RTN4RL1: variants seen among roughly 807,000 people sequenced by gnomAD.
RTN4RL1 encodes the protein reticulon 4 receptor like 1.
Under a neutral mutation model 25.6 loss-of-function variants are expected in RTN4RL1, and 7 were observed. The observed-to-expected ratio is 0.27, with a 90% CI of 0.16 to 0.51. RTN4RL1 has a LOEUF of 0.51. Among genes scored for constraint, RTN4RL1 ranks in the 20% least tolerant of loss-of-function variants. The pLI is 0.97. For synonymous variants in RTN4RL1, 297 were observed against 288.2 expected (o/e 1.03, Z -0.31); for missense variants, 500 against 615.6 (o/e 0.81, Z 1.99).
At chr17:2,007,078 A>G (rs1296509596) in intron 1 of RTN4RL1, among the ~76,000 whole-genome samples, 5 of 152,132 alleles carry the variant, frequency 3.3e-5, no homozygotes, top group African/African-American at 1.2e-4. Flanking sequence ...AAGCTGCTGC[A>G]GCTCTCTGAG....
chr17:1,965,969 C>A lies in RTN4RL1; in HGVS notation c.14-28161G>T, dbSNP rs1326869680. 2.0e-5 allele frequency among the ~76,000 whole-genome samples: 3 copies of A among 152,172 alleles called. No individual in the cohort carries two copies. The East Asian group carries it at 5.8e-4, about 29-fold the overall frequency. ...CCCTCTCAGGCTCCCCACTAAAGCTCCTGCTTCCAGCTCAAGAACAGGGCA... is the reference window on the plus strand; with the variant it reads ...CCCTCTCAGGCTCCCCACTAAAGCTACTGCTTCCAGCTCAAGAACAGGGCA... On this transcript the variant is annotated intron_variant, in intron 1 of 1. Transcript: ENST00000331238.
At chr17:1,992,178 C>T (rs1391145555) in intron 1 of RTN4RL1, among the ~76,000 whole-genome samples, 1 of 151,934 alleles carries the variant, frequency 6.6e-6, no homozygotes, top group African/African-American at 2.4e-5. Context: ...TCCTGGCTAA[C>T]ACGGTGAAAC....
chr17:1,993,977 G>A (rs1156920899), intron 1 of RTN4RL1, among the ~76,000 whole-genome samples: 2 of 151,976 alleles, frequency 1.3e-5, no homozygotes, highest in Non-Finnish European at 2.9e-5. Context: ...AATTTCCCAA[G>A]AAGAACTCAT....
intron 1 of RTN4RL1, among the ~76,000 whole-genome samples, chr17:2,021,704 A>G (rs2067206133): frequency 6.6e-6 from 1 of 151,574 alleles, no homozygotes; most frequent in African/African-American, 2.4e-5. Flanking sequence ...ACAGGCATGA[A>G]CCAGCACGCC....
chr17:1,955,783 C>T (rs1404234461), intron 1 of RTN4RL1, among the ~76,000 whole-genome samples: 1 of 151,528 alleles, frequency 6.6e-6, no homozygotes, highest in Non-Finnish European at 1.5e-5. Flanking sequence ...AGGGTTTCGC[C>T]ATGTAGGCCA....
At chr17:2,014,601 G>A (rs556103536) in intron 1 of RTN4RL1, among the ~76,000 whole-genome samples, 37 of 152,316 alleles carry the variant, frequency 2.4e-4, no homozygotes, top group African/African-American at 7.5e-4. Flanking sequence ...GGAGGCCGAC[G>A]CAGGCAGATC....
chr17:2,008,930 G>A (rs112563015), intron 1 of RTN4RL1, among the ~76,000 whole-genome samples: 1 of 152,074 alleles, frequency 6.6e-6, no homozygotes, highest in Non-Finnish European at 1.5e-5. Flanking sequence ...TCTCCTAGCA[G>A]GTTGTAAATT....
At chr17:1,957,986 G>A (rs2151309082) in intron 1 of RTN4RL1, among the ~76,000 whole-genome samples, 1 of 152,012 alleles carries the variant, frequency 6.6e-6, no homozygotes, top group Admixed American at 6.6e-5. Flanking sequence ...GGACCAGCCT[G>A]GGTAATGCAG....
intron 1 of RTN4RL1, among the ~76,000 whole-genome samples, chr17:1,997,920 C>A (rs950661776): frequency 2.6e-4 from 40 of 152,242 alleles, no homozygotes; most frequent in Admixed American, 1.2e-3. Flanking sequence ...GGCCGGCGCG[C>A]TCCTCGCAGG....
chr17:1,957,344 T>C (rs6503101), intron 1 of RTN4RL1, among the ~76,000 whole-genome samples: 128,608 of 152,054 alleles, frequency 0.85, 54,695 homozygotes, highest in Admixed American at 0.89. Context: ...GTGAGCTATG[T>C]AAAACAGACC....
chr17:1,965,949 T>C (rs184584334), intron 1 of RTN4RL1, among the ~76,000 whole-genome samples: 315 of 152,144 alleles, frequency 2.1e-3, no homozygotes, highest in African/African-American at 7.1e-3. Context: ...GAACACCCTC[T>C]CAGGCTCCCC....
chr17:2,014,444 T>C (rs147050677), intron 1 of RTN4RL1, among the ~76,000 whole-genome samples: 16 of 152,218 alleles, frequency 1.1e-4, no homozygotes, highest in African/African-American at 3.4e-4. Flanking sequence ...AGAAGATGTG[T>C]ATAAGTTGAG....
intron 1 of RTN4RL1, among the ~76,000 whole-genome samples, chr17:1,972,798 G>T (rs2066826247): frequency 6.6e-6 from 1 of 152,170 alleles, no homozygotes; most frequent in Admixed American, 6.5e-5. Context: ...TCCTCCACAG[G>T]CCCATTTTCT....
chr17:1,973,365 TAAAAAA>T (rs35165215), intron 1 of RTN4RL1, among the ~76,000 whole-genome samples: 19 of 124,792 alleles, frequency 1.5e-4, no homozygotes, highest in African/African-American at 5.4e-4. Context: ...GACACTGTCT[TAAAAAA>T]AAAAAAAAAA....
chr17:1,973,259 G>A (rs746779732), intron 1 of RTN4RL1, among the ~76,000 whole-genome samples: 8 of 152,056 alleles, frequency 5.3e-5, no homozygotes, highest in South Asian at 2.1e-4. Flanking sequence ...CAGCTTCTTG[G>A]GAGGCTGAGG....
chr17:1,959,400 C>T (rs187113061), intron 1 of RTN4RL1, among the ~76,000 whole-genome samples: 4 of 152,240 alleles, frequency 2.6e-5, no homozygotes, highest in Admixed American at 6.5e-5. Context: ...TCTTCAGAGA[C>T]CTGGCTCTGT....
At chr17:1,945,959 G>A (rs550088981) in intron 1 of RTN4RL1, among the ~76,000 whole-genome samples, 1 of 152,298 alleles carries the variant, frequency 6.6e-6, no homozygotes, top group South Asian at 2.1e-4. Context: ...ACAGAGGGGC[G>A]CTTACCCAAA....
At chr17:1,948,984 T>A (rs1915621585) in intron 1 of RTN4RL1, among the ~76,000 whole-genome samples, 2 of 141,312 alleles carry the variant, frequency 1.4e-5, no homozygotes, top group African/African-American at 5.4e-5. Context: ...TGAGACGGAG[T>A]CTCGCTCTGT....
rs1388490270 is a variant in RTN4RL1, at chr17:1,937,093, C to G, written c.729G>C (p.Pro243=). ...GGCGGAGGAACTCCAGGGCCCCCAG[C>G]GGGGCCAGGCACTCACCCTGCAGCT... is the stretch of plus-strand genomic sequence containing the variant. The part of the protein sequence containing the change: ...LSELQGECLA[P]LGALEFLRLN... The change falls in exon 2 of 2, where the codon CCG becomes CCC. Residue 243 remains proline, a synonymous_variant. Transcript: ENST00000331238. 2 of 1,606,290 alleles carry G rather than the reference C, an allele frequency of 1.2e-6. No homozygotes were observed. The highest frequency in any genetic ancestry group is 1.7e-6 in the Non-Finnish European group (2 of 1,177,546).
Sources: allele counts gnomAD v4.1 joint callset (sites outside exome capture counted in the v4.1 genomes callset), GRCh38; gene constraint gnomAD v4.1.1; transcripts MANE v1.5; gene names NCBI Gene and HGNC (gene_info 2026-07-23, HGNC 2026-07-21).